The following PAFAH1B1 variants were observed in gnomAD, a reference collection of about 807,000 sequenced individuals.
PAFAH1B1 encodes platelet activating factor acetylhydrolase 1b regulatory subunit 1, also known as platelet-activating factor acetylhydrolase IB subunit beta.
In PAFAH1B1, 2 loss-of-function variants were observed where a neutral mutation model predicts 57.5. That is an observed-to-expected ratio of 0.03 (90% CI 0.01 to 0.11). The LOEUF is 0.11. Ranked by LOEUF, PAFAH1B1 falls within the 10% of genes least tolerant of loss-of-function variation. The pLI is 1.00. For missense variants in PAFAH1B1, 257 were observed against 512.0 expected (o/e 0.50, Z 4.81); for synonymous variants, 152 against 169.6 (o/e 0.90, Z 0.81).
intron 9 of PAFAH1B1, among the ~76,000 whole-genome samples, chr17:2,679,369 G>A (rs79827550): frequency 1.3e-4 from 1 of 7,512 alleles, no homozygotes; most frequent in Admixed American, 4.2e-3. Context: ...TGGATGATTA[G>A]ATGGATGAAT....
At chr17:2,611,314 A>G (rs1317692682) in intron 1 of PAFAH1B1, among the ~76,000 whole-genome samples, 1 of 151,986 alleles carries the variant, frequency 6.6e-6, no homozygotes, top group African/African-American at 2.4e-5. Context: ...CTAAAAATAC[A>G]AAAATTAACC....
At position 2,685,156 on chromosome 17, in the gene PAFAH1B1, T is replaced by C. The variant is rs1448617667; in HGVS notation, c.*3354T>C. On this transcript the variant is annotated 3_prime_UTR_variant, in exon 11 of 11. Transcript: ENST00000397195. ...AAACTGGTGGAAAAAGGTTTTGGAT[T>C]TTTTTTCCAGTGGGGTGGGGGGAGG... The C allele has an allele frequency of 7.9e-6, 1 of 127,086 alleles. No individual in the cohort carries two copies. Among genetic ancestry groups the C allele is most frequent in the Admixed American group, 8.8e-5 (1 of 11,300 alleles). The allele number at this position is 127,086 out of a possible 1,614,324, so 7.9% of individuals were successfully genotyped here.
chr17:2,673,845 T>G, intron 7 of PAFAH1B1: 1 of 542,160 alleles, frequency 1.8e-6, no homozygotes, highest in Non-Finnish European at 3.3e-6. Flanking sequence ...TTATACATAT[T>G]TTATCTTCTA....
chr17:2,668,169 C>CA (rs2069133479), intron 5 of PAFAH1B1, among the ~76,000 whole-genome samples: 1 of 151,542 alleles, frequency 6.6e-6, no homozygotes. Context: ...TACTAAAATA[C>CA]AAAAAAATTA....
At chr17:2,596,170 CTGTG>C (rs751461237) in intron 1 of PAFAH1B1, among the ~76,000 whole-genome samples, 4 of 151,350 alleles carry the variant, frequency 2.6e-5, no homozygotes, top group Non-Finnish European at 4.4e-5. Flanking sequence ...TTATTTGTCC[CTGTG>C]TGTGTGTGTG....
intron 9 of PAFAH1B1, chr17:2,679,896 T>G (rs528526565): frequency 2.2e-6 from 1 of 454,322 alleles, no homozygotes; most frequent in African/African-American, 2.0e-5. Flanking sequence ...ATTGATAGAC[T>G]ACATATTGAG....
chr17:2,673,837 A>T lies in PAFAH1B1; in HGVS notation c.672-223A>T. 3 of 524,502 alleles carry T rather than the reference A, an allele frequency of 5.7e-6. No individual in the cohort carries two copies. The South Asian group carries it at 7.1e-5, about 12-fold the overall frequency. 32.5% of individuals were successfully genotyped at this position (524,502 alleles called of 1,614,324 possible). A position where few individuals can be genotyped will look rare whatever the true frequency, so the allele number is the denominator to read the frequency against. On this transcript the variant is annotated intron_variant, in intron 7 of 10. Transcript: ENST00000397195. Reference sequence around the variant, plus strand: ...TTAGTTTTGAAAGATTTTATTTCTTATACATATTTTATCTTCTAGATGTTG... The same window carrying T: ...TTAGTTTTGAAAGATTTTATTTCTTTTACATATTTTATCTTCTAGATGTTG...
chr17:2,664,979 G>GTGTA (rs2069085583), intron 2 of PAFAH1B1, among the ~76,000 whole-genome samples: 1 of 33,968 alleles, frequency 2.9e-5, no homozygotes, highest in African/African-American at 5.1e-5. Flanking sequence ...CAGCCCTTGA[G>GTGTA]TGTATAACAA....
chr17:2,606,810 CTTTTT>C lies in PAFAH1B1; in HGVS notation c.-191+12827_-191+12831del, dbSNP rs770011553. On this transcript the variant is annotated intron_variant, in intron 1 of 10. Transcript: ENST00000397195. ...ACATTTTGTCATATTTGCCTCAGAGCTTTTTTTTTTTTTTTTTTTTTTTTTTTAAG... is the reference window on the plus strand; with the variant it reads ...ACATTTTGTCATATTTGCCTCAGAGCTTTTTTTTTTTTTTTTTTTTTTAAG... Among the ~76,000 whole-genome samples, 12 of 101,708 alleles carry C rather than the reference CTTTTT, an allele frequency of 1.2e-4. 1 individual carries two copies. The highest frequency in any genetic ancestry group is 3.9e-4 in the African/African-American group (10 of 25,408). 66.7% of individuals were successfully genotyped at this position (101,708 alleles called of 152,430 possible).
intron 1 of PAFAH1B1, among the ~76,000 whole-genome samples, chr17:2,628,993 A>C (rs2068524842): frequency 6.6e-6 from 1 of 152,116 alleles, no homozygotes; most frequent in African/African-American, 2.4e-5. Flanking sequence ...TCCTTGGTTA[A>C]TCTTGCTAAT....
chr17:2,673,017 G>A (rs1472641416), intron 7 of PAFAH1B1, among the ~76,000 whole-genome samples: 2 of 151,972 alleles, frequency 1.3e-5, no homozygotes, highest in Admixed American at 6.6e-5. Context: ...GCAGTGAGCC[G>A]AGATCGTGCC....
At chr17:2,600,676 AAAAG>A (rs2068132838) in intron 1 of PAFAH1B1, among the ~76,000 whole-genome samples, 1 of 152,112 alleles carries the variant, frequency 6.6e-6, no homozygotes, top group Non-Finnish European at 1.5e-5. Context: ...TGCTAACTAC[AAAAG>A]AAAGAAGATG....
intron 2 of PAFAH1B1, among the ~76,000 whole-genome samples, chr17:2,645,630 G>A (rs915299942): frequency 3.5e-5 from 5 of 144,036 alleles, no homozygotes; most frequent in African/African-American, 7.6e-5. Context: ...TATATTTTTT[G>A]TTAGACGGAG....
At chr17:2,679,103 G>A (rs1264852860) in intron 9 of PAFAH1B1, among the ~76,000 whole-genome samples, 1 of 152,198 alleles carries the variant, frequency 6.6e-6, no homozygotes, top group Non-Finnish European at 1.5e-5. Flanking sequence ...TTTCTTTAAT[G>A]TGTAGATGAA....
chr17:2,674,185 A>G lies in PAFAH1B1; in HGVS notation c.797A>G (p.Lys266Arg). 6.2e-7 allele frequency: 1 copy of G among 1,614,166 alleles called. No individual in the cohort carries two copies. The highest frequency in any genetic ancestry group is 8.5e-7 in the Non-Finnish European group (1 of 1,180,000). ...QTVRVWVVAT[K>R]ECKAELREHE... is the part of the protein sequence containing the mutation. ...GTGCGTGTATGGGTCGTAGCAACAA[A>G]GGAATGCAAGGCTGAGCTCCGAGAG... Residue 266 changes from lysine (K) to arginine (R), a missense_variant, in exon 8 of 11, where the codon AAG (lysine) becomes AGG (arginine). Coordinates refer to ENST00000397195, the MANE Select transcript of PAFAH1B1 (RefSeq NM_000430.4).
Position 2,613,057 on chromosome 17 carries a change from AAAAG to A in PAFAH1B1, c.-191+19052_-191+19055del, listed in dbSNP as rs1294734836. Among the ~76,000 whole-genome samples the A allele has an allele frequency of 8.4e-4, 127 of 151,468 alleles. 2 individuals are homozygous for A. Among genetic ancestry groups the A allele is most frequent in the African/African-American group, 3.0e-3 (123 of 41,436 alleles). The stretch of plus-strand genomic sequence containing the variant: ...TAATAATTTGTAAAAAAAAAAAAAA[AAAAG>A]GTGAAATTCAAATTTTAGTGTCCAT... On this transcript the variant is annotated intron_variant, in intron 1 of 10. Transcript: ENST00000397195.
intron 1 of PAFAH1B1, among the ~76,000 whole-genome samples, chr17:2,618,995 A>G (rs1157389553): frequency 1.3e-5 from 2 of 151,238 alleles, no homozygotes; most frequent in East Asian, 2.0e-4. Context: ...CAACAGTCAT[A>G]TAACACTCCC....
At chr17:2,605,650 C>T (rs150602575) in intron 1 of PAFAH1B1, among the ~76,000 whole-genome samples, 134 of 152,272 alleles carry the variant, frequency 8.8e-4, no homozygotes, top group African/African-American at 3.1e-3. Flanking sequence ...AATCTGCCTA[C>T]CAGGTTTTCC....
intron 2 of PAFAH1B1, among the ~76,000 whole-genome samples, chr17:2,664,690 CTCTT>C (rs773756397): frequency 0.079 from 5,160 of 65,358 alleles, 169 homozygotes; most frequent in African/African-American, 0.11. Context: ...CTCTCTCTCT[CTCTT>C]TCTCTCTCCA....
Sources: gnomAD v4.1 joint callset for allele counts (sites outside exome capture counted in the v4.1 genomes callset) on GRCh38, gnomAD v4.1.1 for gene constraint, MANE v1.5 for transcripts, NCBI Gene and HGNC (gene_info 2026-07-23, HGNC 2026-07-21) for gene names.